The following WSB2 variants were observed in gnomAD, a reference collection of about 807,000 sequenced individuals.
The protein encoded by WSB2 is WD repeat and SOCS box-containing protein 2.
Under a neutral mutation model 48.8 loss-of-function variants are expected in WSB2, and 12 were observed. The ratio of observed to expected loss-of-function variants is 0.25; its 90% CI spans 0.16 to 0.40. WSB2 has a LOEUF of 0.40. Among genes scored for constraint, WSB2 ranks in the 10% least tolerant of loss-of-function variants. WSB2 has a pLI of 1.00. For synonymous variants in WSB2, 191 were observed against 203.1 expected (o/e 0.94, Z 0.51); for missense variants, 317 against 506.2 (o/e 0.63, Z 3.59).
intron 1 of WSB2, among the ~76,000 whole-genome samples, chr12:118,055,607 C>CTTTTTTTTTTTTTT (rs748354611): frequency 2.4e-5 from 2 of 81,678 alleles, no homozygotes; most frequent in Non-Finnish European, 4.2e-5. Flanking sequence ...CTACATTATC[C>CTTTTTTTTTTTTTT]TTTTTTTTTT....
At chr12:118,036,249 C>G in intron 6 of WSB2, 89 bp downstream of exon 6, 1 of 1,447,128 alleles carries the variant, frequency 6.9e-7, no homozygotes, top group Non-Finnish European at 9.4e-7. Context: ...CCTCCCATGT[C>G]CCAGATTCTA....
chr12:118,052,268 T>A, intron 2 of WSB2, 42 bp downstream of exon 2: 2 of 1,600,576 alleles, frequency 1.2e-6, no homozygotes, highest in Non-Finnish European at 1.7e-6. Flanking sequence ...CAAGGAGTGT[T>A]TGGAAATGCG....
chr12:118,036,299 C>G, intron 6 of WSB2, 39 bp downstream of exon 6: 2 of 1,593,822 alleles, frequency 1.3e-6, no homozygotes. Flanking sequence ...CCTCATCAGT[C>G]CCCCCACAAA....
At chr12:118,049,329 T>C (rs1350688894) in intron 2 of WSB2, among the ~76,000 whole-genome samples, 1 of 152,204 alleles carries the variant, frequency 6.6e-6, no homozygotes, top group Non-Finnish European at 1.5e-5. Context: ...GATTTCAAAC[T>C]GTTTCCAATT....
At chr12:118,051,831 A>T (rs12578639) in intron 2 of WSB2, among the ~76,000 whole-genome samples, 29,134 of 152,050 alleles carry the variant, frequency 0.19, 2,921 homozygotes, top group African/African-American at 0.24. Context: ...AAACTTAGCC[A>T]GGCGTGGTGG....
rs77542352 is a variant in WSB2 at position 118,033,979 on chromosome 12, G to A, written c.*217C>T. The A allele has an allele frequency of 2.5e-3, 1,473 of 593,840 alleles. 37 individuals are homozygous for A. The East Asian group carries it at 0.042, about 17-fold the overall frequency. 36.8% of individuals were successfully genotyped at this position (593,840 alleles called of 1,614,324 possible). On this transcript the variant is annotated 3_prime_UTR_variant, in exon 9 of 9. Transcript: ENST00000315436. ...AAATTTAACGTAAGGCTCTGTTGCCGTGCAAGTGGAATCTCTTCCTCTAAG... is the reference window on the plus strand; with the variant it reads ...AAATTTAACGTAAGGCTCTGTTGCCATGCAAGTGGAATCTCTTCCTCTAAG...
chr12:118,056,363 G>C (rs2031957507), intron 1 of WSB2, among the ~76,000 whole-genome samples: 1 of 152,056 alleles, frequency 6.6e-6, no homozygotes, highest in African/African-American at 2.4e-5. Flanking sequence ...TGGCTCAAAT[G>C]ACAACTGCTT....
Position 118,060,932 on chromosome 12 carries a change from C to T in WSB2, c.13+104G>A. On this transcript the variant is annotated intron_variant, in intron 1 of 8. Coordinates refer to ENST00000315436, the MANE Select transcript of WSB2 (RefSeq NM_018639.5). The surrounding 1 kb of genome is among the most constrained non-coding windows in gnomAD (Gnocchi z 4.1). ...CGGACGCCCCCGCCGCGTCCAGCCCCCGCCCCACCCCGCCCAGCCCGCCCC... is the reference window on the plus strand; with the variant it reads ...CGGACGCCCCCGCCGCGTCCAGCCCTCGCCCCACCCCGCCCAGCCCGCCCC... 6 of 491,392 alleles carry T rather than the reference C, an allele frequency of 1.2e-5. No homozygotes were observed. The highest frequency in any genetic ancestry group is 1.7e-4 in the South Asian group (2 of 12,108). 30.4% of individuals were successfully genotyped at this position (491,392 alleles called of 1,614,324 possible).
chr12:118,040,121 C>T (rs1464508612), intron 4 of WSB2, among the ~76,000 whole-genome samples: 5 of 151,886 alleles, frequency 3.3e-5, no homozygotes, highest in African/African-American at 4.8e-5. Flanking sequence ...TACAATAAGC[C>T]GAGATCGCAG....
At chr12:118,055,607 C>CTTTTTTTTTTTTTTTTT (rs748354611) in intron 1 of WSB2, among the ~76,000 whole-genome samples, 2 of 81,678 alleles carry the variant, frequency 2.4e-5, no homozygotes, top group Non-Finnish European at 4.2e-5. Context: ...CTACATTATC[C>CTTTTTTTTTTTTTTTTT]TTTTTTTTTT....
rs560653434 is a variant in WSB2 at position 118,052,453 on chromosome 12, G to A, written c.39C>T (p.Leu13=). The change falls in exon 2 of 9, where the codon CTC becomes CTT. Residue 13 remains leucine, a synonymous_variant. Transcript: ENST00000315436. ...AGEEPLLLAE[L]KPGRPHQFDW... is the part of the protein sequence containing the mutation. ...CAAACTGGTGGGGGCGCCCGGGCTT[G>A]AGTTCGGCCAGCAGCAGCGGTTCCT... 1 of 1,614,152 alleles carries A rather than the reference G, an allele frequency of 6.2e-7. No homozygotes were observed. Among genetic ancestry groups the A allele is most frequent in the Non-Finnish European group, 8.5e-7 (1 of 1,180,038 alleles).
rs1234761017 is a variant in WSB2, at chr12:118,035,008, G to A, written c.1030C>T (p.His344Tyr). 2 of 1,614,204 alleles carry A rather than the reference G, an allele frequency of 1.2e-6. No individual in the cohort carries two copies. The highest frequency in any genetic ancestry group is 4.5e-5 in the East Asian group (2 of 44,882). The change falls in exon 8 of 9, where the codon CAT becomes TAT. Residue 344 changes from histidine to tyrosine, a missense_variant. Physicochemically the swap from His to Tyr is moderately conservative, Grantham distance 83 (BLOSUM62 2). Transcript: ENST00000315436. ...TACCCTGTGGCAATGACTCCACCATGTGGAAAAAATGTGCAGCAAAGCCCA... is the reference window on the plus strand; with the variant it reads ...TACCCTGTGGCAATGACTCCACCATATGGAAAAAATGTGCAGCAAAGCCCA... Reference protein sequence around the residue: ...TNGLCCTFFPHGGVIATGTRD... With the variant: ...TNGLCCTFFPYGGVIATGTRD...
intron 2 of WSB2, among the ~76,000 whole-genome samples, chr12:118,050,323 T>G (rs1310242968): frequency 6.6e-6 from 1 of 152,140 alleles, no homozygotes; most frequent in Non-Finnish European, 1.5e-5. Flanking sequence ...CACTGGGGCT[T>G]GTCCATCCCA....
rs889566284 is a variant in WSB2 at position 118,056,458 on chromosome 12, T to C, written c.14-3980A>G. On this transcript the variant is annotated intron_variant, in intron 1 of 8. Transcript: ENST00000315436. Reference sequence around the variant, plus strand: ...CAGCTCTATCACCATTTGATCGCCATCTGTCTCCCCTCCACTAGGATATCA... The same window carrying C: ...CAGCTCTATCACCATTTGATCGCCACCTGTCTCCCCTCCACTAGGATATCA... Among the ~76,000 whole-genome samples, 21 of 152,318 alleles carry C rather than the reference T, an allele frequency of 1.4e-4. No individual in the cohort carries two copies. The East Asian group carries it at 2.3e-3, about 17-fold the overall frequency.
Position 118,036,034 on chromosome 12 carries a change from T to G in WSB2, c.833+304A>C, listed in dbSNP as rs112124316. ...CTGGCCAACATGGTGAAACCCCATC[T>G]CTAATAAAAATACAAAAATTAGCCA... On this transcript the variant is annotated intron_variant, in intron 6 of 8. Transcript: ENST00000315436. The G allele has an allele frequency of 4.0e-3, 786 of 195,460 alleles. 6 individuals are homozygous for G. The highest frequency in any genetic ancestry group is 0.017 in the African/African-American group (748 of 42,902). 12.1% of individuals were successfully genotyped at this position (195,460 alleles called of 1,614,324 possible).
chr12:118,037,949 T>TA (rs111330303), intron 5 of WSB2: 6,999 of 195,758 alleles, frequency 0.036, 502 homozygotes, highest in African/African-American at 0.15. Context: ...GGATTCAAAT[T>TA]TGATGGTTCA....
intron 4 of WSB2, among the ~76,000 whole-genome samples, chr12:118,040,324 T>TTG (rs1465638344): frequency 6.6e-6 from 1 of 152,142 alleles, no homozygotes; most frequent in East Asian, 1.9e-4. Context: ...GCTCTCATAA[T>TTG]TGGCCTACTC....
At chr12:118,061,224 G>A, upstream of WSB2, 1 of 983,054 alleles carries the variant, frequency 1.0e-6, no homozygotes, top group Non-Finnish European at 1.2e-6. Context: ...GCGGGGGCGG[G>A]GCGCAGGGGA....
intron 2 of WSB2, among the ~76,000 whole-genome samples, chr12:118,051,842 T>C (rs987561132): frequency 6.6e-6 from 1 of 152,090 alleles, no homozygotes; most frequent in Non-Finnish European, 1.5e-5. Flanking sequence ...GGCGTGGTGG[T>C]GTGTGCCTGT....
Sources: allele counts gnomAD v4.1 joint callset (sites outside exome capture counted in the v4.1 genomes callset), GRCh38; gene constraint gnomAD v4.1.1; non-coding constraint Gnocchi (gnomAD v3.1); transcripts MANE v1.5; gene names NCBI Gene and HGNC (gene_info 2026-07-23, HGNC 2026-07-21).